The following SNX30 variants were observed in gnomAD, a reference collection of about 807,000 sequenced individuals.
The protein encoded by SNX30 is sorting nexin family member 30.
In SNX30, 24 loss-of-function variants were observed where a neutral mutation model predicts 46.4. The ratio of observed to expected loss-of-function variants is 0.52; its 90% CI spans 0.37 to 0.73. The LOEUF (loss-of-function observed/expected upper bound fraction) is 0.73, where lower values mean the gene tolerates loss of function less well. Ranked by LOEUF, SNX30 falls within the 30% of genes least tolerant of loss-of-function variation. The pLI is 0.00. For missense variants in SNX30, 533 were observed against 555.7 expected (o/e 0.96, Z 0.41); for synonymous variants, 189 against 211.5 (o/e 0.89, Z 0.92).
intron 7 of SNX30, 111 bp from the exon 8 acceptor site, chr9:112,864,136 T>C: frequency 1.7e-6 from 2 of 1,170,140 alleles, no homozygotes; most frequent in Non-Finnish European, 2.5e-6. Context: ...AGCGTGTTGA[T>C]AGCATTTTAA....
intron 6 of SNX30, among the ~76,000 whole-genome samples, chr9:112,843,761 C>T (rs961524424): frequency 2.0e-5 from 3 of 151,132 alleles, no homozygotes; most frequent in Non-Finnish European, 4.4e-5. Flanking sequence ...ATTACAGGTG[C>T]GCACCACCAC....
chr9:112,881,553 C>T (rs1841577130), exon 6 of SNX30: 1 of 152,368 alleles, frequency 6.6e-6, no homozygotes. Context: ...CATGGGCAGC[C>T]CCAGGCAGCT....
intron 4 of SNX30, among the ~76,000 whole-genome samples, chr9:112,832,510 G>GAGAGAGAGAGA (rs376705361): frequency 3.2e-4 from 44 of 139,636 alleles, no homozygotes; most frequent in African/African-American, 1.1e-3. Context: ...GAGAGAGAGA[G>GAGAGAGAGAGA]AGGAGATTTA....
At position 112,780,661 on chromosome 9, in the gene SNX30, C is replaced by T. The variant is rs534566918; in HGVS notation, c.157-24115C>T. Among the ~76,000 whole-genome samples, 330 of 152,290 alleles carry T rather than the reference C, an allele frequency of 2.2e-3. 1 individual carries two copies. Among genetic ancestry groups the T allele is most frequent in the Non-Finnish European group, 3.3e-3 (224 of 68,022 alleles). On this transcript the variant is annotated intron_variant, in intron 1 of 8. Coordinates refer to ENST00000374232, the MANE Select transcript of SNX30 (RefSeq NM_001012994.2). ...AATTTAAAATGTTCCTTACATCTAC[C>T]ATCTGCACAGCATTTGTCTGACTGC...
rs188216350 is a variant in SNX30 at position 112,826,169 on chromosome 9, C to G, written c.460-4556C>G. Among the ~76,000 whole-genome samples the G allele has an allele frequency of 2.0e-5, 3 of 152,222 alleles. No homozygotes were observed. The East Asian group carries it at 5.8e-4, about 29-fold the overall frequency. Reference sequence around the variant, plus strand: ...AGCAAATGAGAGTATCGTAACAGGACTCATGAAGTAAGAACAGGAAAATAT... The same window carrying G: ...AGCAAATGAGAGTATCGTAACAGGAGTCATGAAGTAAGAACAGGAAAATAT... On this transcript the variant is annotated intron_variant, in intron 3 of 8. Transcript: ENST00000374232.
chr9:112,768,935 G>A (rs114552822), intron 1 of SNX30, among the ~76,000 whole-genome samples: 4 of 152,042 alleles, frequency 2.6e-5, no homozygotes, highest in Non-Finnish European at 4.4e-5. Context: ...GACTACAGGC[G>A]TGAGCCACCA....
intron 4 of SNX30, among the ~76,000 whole-genome samples, chr9:112,834,873 CACACACACA>C (rs1564285829): frequency 0.01 from 960 of 94,776 alleles, 20 homozygotes; most frequent in African/African-American, 0.025. Context: ...CACACACACA[CACACACACA>C]CCTACCTCAA....
rs56106554 is a variant in SNX30, at chr9:112,870,978, G to T, written c.*2135G>T. ...ACATTCCTGTGTAATGGTTAGTTGG[G>T]AAAGAAGGCAGCACTTGAAAAAATT... On this transcript the variant is annotated 3_prime_UTR_variant, in exon 9 of 9. Transcript: ENST00000374232. 6.6e-6 allele frequency: 1 copy of T among 152,246 alleles called. No homozygotes were observed. Among genetic ancestry groups the T allele is most frequent in the East Asian group, 1.9e-4 (1 of 5,200 alleles). The allele number at this position is 152,246 out of a possible 1,614,324, so 9.4% of individuals were successfully genotyped here.
intron 3 of SNX30, among the ~76,000 whole-genome samples, chr9:112,821,966 A>T (rs1413391656): frequency 2.6e-5 from 4 of 151,802 alleles, no homozygotes; most frequent in East Asian, 1.9e-4. Context: ...TTTTGTAGAG[A>T]CAAGGTGTCA....
intron 7 of SNX30, among the ~76,000 whole-genome samples, chr9:112,861,932 A>G (rs1446074778): frequency 7.3e-6 from 1 of 137,396 alleles, no homozygotes; most frequent in East Asian, 2.5e-4. Context: ...GGAAGCGACA[A>G]CACTTACGAT....
At chr9:112,838,453 A>G (rs777971881) in intron 5 of SNX30, 45 bp from the exon 6 acceptor site, 21 of 1,537,506 alleles carry the variant, frequency 1.4e-5, no homozygotes, top group Middle Eastern at 1.7e-4. Flanking sequence ...AATAGCAGCA[A>G]CTGCTACCCA....
Position 112,850,964 on chromosome 9 carries a change from G to A in SNX30, c.1101+19G>A. The A allele has an allele frequency of 6.2e-7, 1 of 1,602,218 alleles. No homozygotes were observed. The highest frequency in any genetic ancestry group is 8.6e-7 in the Non-Finnish European group (1 of 1,169,496). On this transcript the variant is annotated intron_variant, in intron 7 of 8. Coordinates refer to ENST00000374232, the MANE Select transcript of SNX30 (RefSeq NM_001012994.2). ...CCCCAAGGTCAGGGAAGCCACCTGG[G>A]AAGGGCTGCAAAGCTGTAGTCTCCC...
chr9:112,854,969 CGGA>C (rs1274868813), intron 7 of SNX30, among the ~76,000 whole-genome samples: 1 of 152,156 alleles, frequency 6.6e-6, no homozygotes, highest in African/African-American at 2.4e-5. Context: ...GGAATGTGGG[CGGA>C]GAACTTTGTT....
intron 1 of SNX30, among the ~76,000 whole-genome samples, chr9:112,760,871 C>T (rs1269394990): frequency 3.3e-5 from 5 of 151,962 alleles, no homozygotes; most frequent in Non-Finnish European, 5.9e-5. Context: ...CAGCTGAGGT[C>T]GCAGAGGTTG....
intron 3 of SNX30, among the ~76,000 whole-genome samples, chr9:112,823,385 A>G (rs1369676156): frequency 5.9e-5 from 9 of 151,358 alleles, no homozygotes; most frequent in African/African-American, 2.2e-4. Context: ...CCATTGAACA[A>G]CTCCCCATTT....
intron 2 of SNX30, among the ~76,000 whole-genome samples, chr9:112,811,004 C>T (rs183183503): frequency 4.6e-5 from 7 of 152,154 alleles, no homozygotes; most frequent in East Asian, 1.9e-4. Flanking sequence ...CAGGGAGGCC[C>T]GATTCTCAGG....
At chr9:112,835,991 C>T (rs190996414) in intron 4 of SNX30, among the ~76,000 whole-genome samples, 1 of 152,284 alleles carries the variant, frequency 6.6e-6, no homozygotes, top group Non-Finnish European at 1.5e-5. Flanking sequence ...TGGCGTTCAG[C>T]TCTGCTGAAA....
intron 8 of SNX30, chr9:112,866,481 A>G (rs548231516): frequency 2.1e-6 from 1 of 470,826 alleles, no homozygotes; most frequent in South Asian, 1.5e-5. Flanking sequence ...GCTGACATAC[A>G]AAGTCCATTG....
downstream of SNX30, chr9:112,885,440 G>GTGTA (rs139663944): frequency 1.1e-3 from 158 of 147,552 alleles, 1 homozygote; most frequent in East Asian, 4.8e-3. Context: ...ATATATATGT[G>GTGTA]TATATATATA....
Sources: allele counts gnomAD v4.1 joint callset (sites outside exome capture counted in the v4.1 genomes callset), GRCh38; gene constraint gnomAD v4.1.1; transcripts MANE v1.5; gene names NCBI Gene and HGNC (gene_info 2026-07-23, HGNC 2026-07-21).